Variants in DRC11 observed in about 807,000 individuals in gnomAD.
DRC11 encodes the protein IQ and AAA domain-containing protein 1.
At chr2:236,465,132 T>C in the DRC11 span, among the ~76,000 whole-genome samples, 1 of 152,132 alleles carries the variant, frequency 6.6e-6, no homozygotes, top group Non-Finnish European at 1.5e-5. The surrounding 1 kb of genome is among the most constrained non-coding windows in gnomAD (Gnocchi z 6.2). Context: ...CAAAGGATTA[T>C]GACCGAGAGG....
At chr2:236,403,491 C>CA in the DRC11 span, among the ~76,000 whole-genome samples, 1 of 151,404 alleles carries the variant, frequency 6.6e-6, no homozygotes, top group Non-Finnish European at 1.5e-5. Context: ...CTTGGGACAT[C>CA]ACTCTGGCTG....
At chr2:236,491,138 T>TACAC in the DRC11 span, among the ~76,000 whole-genome samples, 2 of 98,758 alleles carry the variant, frequency 2.0e-5, no homozygotes, top group Non-Finnish European at 3.7e-5. Flanking sequence ...TATATATATA[T>TACAC]ACAGTATATA....
chr2:236,484,171 T>C, the DRC11 span, among the ~76,000 whole-genome samples: 21 of 152,238 alleles, frequency 1.4e-4, no homozygotes, highest in Admixed American at 7.2e-4. Context: ...CTTTTATAAA[T>C]AGACAGAAAA....
chr2:236,445,606 C>T, the DRC11 span, among the ~76,000 whole-genome samples: 4 of 151,966 alleles, frequency 2.6e-5, no homozygotes, highest in African/African-American at 9.7e-5. This position sits in a 1 kb window ranked among gnomAD's most constrained non-coding sequence, Gnocchi z 4.8. Flanking sequence ...TCCCAAAGTG[C>T]TCGGATTATG....
At chr2:236,318,521 G>C in the DRC11 span, among the ~76,000 whole-genome samples, 1 of 152,042 alleles carries the variant, frequency 6.6e-6, no homozygotes, top group Non-Finnish European at 1.5e-5. This position sits in a 1 kb window ranked among gnomAD's most constrained non-coding sequence, Gnocchi z 7.0. Flanking sequence ...GTGTTTTTGG[G>C]CCTGTATATG....
At chr2:236,355,749 CTGTG>C in the DRC11 span, among the ~76,000 whole-genome samples, 1 of 107,854 alleles carries the variant, frequency 9.3e-6, no homozygotes, top group African/African-American at 3.1e-5. Flanking sequence ...CTCTCTCTCT[CTGTG>C]TGTGTGTGTG....
chr2:236,340,520 C>T, the DRC11 span, among the ~76,000 whole-genome samples: 1 of 152,016 alleles, frequency 6.6e-6, no homozygotes, highest in African/African-American at 2.4e-5. Flanking sequence ...AAGAGACTTG[C>T]CTTAAAGAAC....
At chr2:236,395,632 C>T in the DRC11 span, among the ~76,000 whole-genome samples, 5 of 152,166 alleles carry the variant, frequency 3.3e-5, no homozygotes, top group African/African-American at 1.2e-4. Context: ...GTAGGAATAA[C>T]ACGTAGTGAT....
chr2:236,359,012 GTATCCGCCTTGC>G, the DRC11 span, among the ~76,000 whole-genome samples: 1 of 151,410 alleles, frequency 6.6e-6, no homozygotes, highest in African/African-American at 2.4e-5. The surrounding 1 kb of genome is among the most constrained non-coding windows in gnomAD (Gnocchi z 4.3). Flanking sequence ...GCTTCTTCCT[GTATCCGCCTTGC>G]CAGTGAGAAT....
At chr2:236,478,168 A>C in the DRC11 span, among the ~76,000 whole-genome samples, 1 of 151,568 alleles carries the variant, frequency 6.6e-6, no homozygotes, top group Non-Finnish European at 1.5e-5. This position sits in a 1 kb window ranked among gnomAD's most constrained non-coding sequence, Gnocchi z 5.9. Flanking sequence ...TGTTTTTCTG[A>C]TGTAGGCCTT....
chr2:236,447,272 G>C, the DRC11 span, among the ~76,000 whole-genome samples: 121 of 151,772 alleles, frequency 8.0e-4, 6 homozygotes, highest in African/African-American at 2.8e-3. The surrounding 1 kb of genome is among the most constrained non-coding windows in gnomAD (Gnocchi z 4.6). Context: ...ACTGCAGAAG[G>C]AACTGGCAGA....
chr2:236,438,661 C>T, the DRC11 span, among the ~76,000 whole-genome samples: 1 of 152,066 alleles, frequency 6.6e-6, no homozygotes, highest in Non-Finnish European at 1.5e-5. Flanking sequence ...TCCTTCACAT[C>T]CCTTGTAAGT....
the DRC11 span, among the ~76,000 whole-genome samples, chr2:236,307,573 T>C: frequency 6.6e-6 from 1 of 152,146 alleles, no homozygotes; most frequent in Non-Finnish European, 1.5e-5. This position sits in a 1 kb window ranked among gnomAD's most constrained non-coding sequence, Gnocchi z 7.0. Context: ...AATTCTGGTG[T>C]TTTCCTGCAG....
chr2:236,392,337 T>C, the DRC11 span: 4 of 1,586,830 alleles, frequency 2.5e-6, no homozygotes, highest in Non-Finnish European at 3.4e-6. The surrounding 1 kb of genome is among the most constrained non-coding windows in gnomAD (Gnocchi z 5.1). Context: ...ACTCATCTTT[T>C]TTCATCCAGA....
chr2:236,475,025 AT>A, the DRC11 span, among the ~76,000 whole-genome samples: 2 of 152,264 alleles, frequency 1.3e-5, no homozygotes, highest in African/African-American at 2.4e-5. This position sits in a 1 kb window ranked among gnomAD's most constrained non-coding sequence, Gnocchi z 4.8. Flanking sequence ...ACAATTGATT[AT>A]TGTTAACTAT....
At chr2:236,429,837 C>CA in the DRC11 span, among the ~76,000 whole-genome samples, 81 of 152,230 alleles carry the variant, frequency 5.3e-4, no homozygotes, top group East Asian at 0.015. This position sits in a 1 kb window ranked among gnomAD's most constrained non-coding sequence, Gnocchi z 5.9. Flanking sequence ...AAAAGAAATG[C>CA]AGTGTCCTCA....
the DRC11 span, among the ~76,000 whole-genome samples, chr2:236,323,020 C>T: frequency 6.6e-6 from 1 of 152,166 alleles, no homozygotes; most frequent in Non-Finnish European, 1.5e-5. The surrounding 1 kb of genome is among the most constrained non-coding windows in gnomAD (Gnocchi z 6.4). Flanking sequence ...TTAAATGTTA[C>T]CTGCACAGGT....
the DRC11 span, among the ~76,000 whole-genome samples, chr2:236,435,128 A>C: frequency 6.6e-6 from 1 of 152,246 alleles, no homozygotes; most frequent in African/African-American, 2.4e-5. Flanking sequence ...AGGGGAGCAC[A>C]GGGACACAGG....
the DRC11 span, among the ~76,000 whole-genome samples, chr2:236,356,492 G>C: frequency 6.6e-6 from 1 of 152,212 alleles, no homozygotes; most frequent in African/African-American, 2.4e-5. Context: ...AGGCCAGCTG[G>C]GGGGCCACGC....
Sources: gnomAD v4.1 joint callset for allele counts (sites outside exome capture counted in the v4.1 genomes callset) on GRCh38, gnomAD v4.1.1 for gene constraint, Gnocchi (gnomAD v3.1) non-coding constraint, MANE v1.5 for transcripts, NCBI Gene and HGNC (gene_info 2026-07-23, HGNC 2026-07-21) for gene names.